PARD3B: variants seen among roughly 807,000 people sequenced by gnomAD.
PARD3B encodes the protein par-3 family cell polarity regulator beta.
PARD3B carries 103 observed loss-of-function variants against 130.2 expected under a neutral mutation model. That is an observed-to-expected ratio of 0.79 (90% CI 0.67 to 0.93). The LOEUF (loss-of-function observed/expected upper bound fraction) is 0.93. Among genes scored for constraint, PARD3B ranks in the 40% least tolerant of loss-of-function variants. PARD3B has a pLI of 0.00. For synonymous variants in PARD3B, 583 were observed against 553.2 expected (o/e 1.05, Z -0.76); for missense variants, 1,609 against 1,499.2 (o/e 1.07, Z -1.21).
chr2:205,310,719 CTTTTTTTTTTT>C (rs34032930), intron 18 of PARD3B, among the ~76,000 whole-genome samples: 2 of 82,590 alleles, frequency 2.4e-5, no homozygotes, highest in Non-Finnish European at 4.1e-5. Context: ...TTCTTTCTTT[CTTTTTTTTTTT>C]TTTTTTTTTT....
At chr2:204,644,117 A>G (rs1266718925) in intron 1 of PARD3B, among the ~76,000 whole-genome samples, 5 of 152,058 alleles carry the variant, frequency 3.3e-5, no homozygotes, top group African/African-American at 1.2e-4. Context: ...ATCCCATCCC[A>G]TTTAGAATTC....
At chr2:204,722,008 C>T (rs1160871206) in intron 2 of PARD3B, among the ~76,000 whole-genome samples, 1 of 151,930 alleles carries the variant, frequency 6.6e-6, no homozygotes, top group Non-Finnish European at 1.5e-5. Flanking sequence ...CACAAAAACA[C>T]CCAATGAATA....
intron 2 of PARD3B, among the ~76,000 whole-genome samples, chr2:204,812,893 A>G (rs1340582671): frequency 6.6e-6 from 1 of 151,966 alleles, no homozygotes; most frequent in Admixed American, 6.6e-5. Flanking sequence ...GTCACCTAGC[A>G]TTTCTAGGGG....
In PARD3B at chr2:205,458,905, T is replaced by C. The variant is rs1202864258; in HGVS notation, c.3044+18233T>C. 6.6e-6 allele frequency among the ~76,000 whole-genome samples: 1 copy of C among 152,226 alleles called. No homozygotes were observed. Among genetic ancestry groups the C allele is most frequent in the East Asian group, 1.9e-4 (1 of 5,200 alleles). On this transcript the variant is annotated intron_variant, in intron 20 of 22. Transcript: ENST00000406610. This position sits in a 1 kb window ranked among gnomAD's most constrained non-coding sequence, Gnocchi z 4.8. ...TAATGCAGTCTTTGATTGAGATCAC[T>C]AGAAGCTGGATTTTAGTTATGTGAG...
At chr2:204,937,924 G>C (rs1353721505) in intron 2 of PARD3B, among the ~76,000 whole-genome samples, 1 of 152,126 alleles carries the variant, frequency 6.6e-6, no homozygotes, top group Non-Finnish European at 1.5e-5. Flanking sequence ...CTACTGAAAG[G>C]CAGTTTGATT....
chr2:205,576,952 GTCT>G (rs1219889073), intron 22 of PARD3B, among the ~76,000 whole-genome samples: 2 of 152,022 alleles, frequency 1.3e-5, no homozygotes, highest in South Asian at 2.1e-4. Context: ...ATTTATTTAG[GTCT>G]TCTTTGATTT....
intron 2 of PARD3B, among the ~76,000 whole-genome samples, chr2:204,805,697 A>G (rs1458217255): frequency 6.6e-6 from 1 of 152,154 alleles, no homozygotes; most frequent in Non-Finnish European, 1.5e-5. Context: ...AGCACATTAA[A>G]AGATCATTCA....
At chr2:204,628,778 T>C (rs2034575446) in intron 1 of PARD3B, among the ~76,000 whole-genome samples, 1 of 152,166 alleles carries the variant, frequency 6.6e-6, no homozygotes, top group Admixed American at 6.5e-5. Flanking sequence ...GTTTGTGCAT[T>C]GGTAATGTTA....
rs1221031353 is a variant in PARD3B, at chr2:205,612,472, T to C, written c.3261-2984T>C. On this transcript the variant is annotated intron_variant, in intron 22 of 22. Coordinates refer to ENST00000406610, the MANE Select transcript of PARD3B (RefSeq NM_001302769.2). ...TAGTTTTTTTAATAATTTAAAATAA[T>C]ACACACATAATAGTCAGAAGAACTT... Among the ~76,000 whole-genome samples the C allele has an allele frequency of 2.0e-5, 3 of 152,262 alleles. No individual in the cohort carries two copies. In the East Asian group the frequency reaches 5.8e-4, roughly 29 times the overall value.
intron 4 of PARD3B, among the ~76,000 whole-genome samples, chr2:205,065,239 G>A (rs533599384): frequency 1.3e-5 from 2 of 152,142 alleles, no homozygotes; most frequent in African/African-American, 2.4e-5. Context: ...AGAGTGAGAA[G>A]ATTACAATAT....
At chr2:204,960,673 A>G (rs1480886652) in intron 2 of PARD3B, among the ~76,000 whole-genome samples, 1 of 152,092 alleles carries the variant, frequency 6.6e-6, no homozygotes, top group Non-Finnish European at 1.5e-5. Context: ...TTTTTCAGCA[A>G]ATTTACATTG....
At chr2:204,654,417 T>C (rs1422971303) in intron 1 of PARD3B, among the ~76,000 whole-genome samples, 1 of 150,034 alleles carries the variant, frequency 6.7e-6, no homozygotes, top group Non-Finnish European at 1.5e-5. Context: ...CTGAGCTTTC[T>C]TGAGTATCAT....
intron 10 of PARD3B, among the ~76,000 whole-genome samples, chr2:205,131,908 G>A (rs570491824): frequency 4.6e-5 from 7 of 152,234 alleles, no homozygotes; most frequent in African/African-American, 1.7e-4. Context: ...CCAGTAAGGA[G>A]CTTGGGACCT....
chr2:204,643,115 C>CAAAAA (rs71029202), intron 1 of PARD3B, among the ~76,000 whole-genome samples: 852 of 31,782 alleles, frequency 0.027, 111 homozygotes, highest in Non-Finnish European at 0.031. Context: ...CTCTGTCTCA[C>CAAAAA]AAAAAAAAAA....
At chr2:204,733,298 C>A (rs2039597143) in intron 2 of PARD3B, among the ~76,000 whole-genome samples, 1 of 151,936 alleles carries the variant, frequency 6.6e-6, no homozygotes, top group Admixed American at 6.6e-5. Flanking sequence ...ATAAATTTGA[C>A]AAAATATGTG....
At chr2:204,953,416 CACACAGAGAG>C (rs1161830847) in intron 2 of PARD3B, among the ~76,000 whole-genome samples, 2 of 100,912 alleles carry the variant, frequency 2.0e-5, no homozygotes, top group African/African-American at 9.2e-5. Flanking sequence ...AACATACACA[CACACAGAGAG>C]AGAGAGAGAG....
intron 4 of PARD3B, among the ~76,000 whole-genome samples, chr2:205,060,644 C>A (rs1163297197): frequency 2.0e-5 from 3 of 151,950 alleles, no homozygotes; most frequent in African/African-American, 7.3e-5. Flanking sequence ...ATTTAGCAGA[C>A]TGTGGGTGCT....
rs143638422 is a variant in PARD3B, at chr2:205,561,686, A to G, written c.3260+8283A>G. ...GCTTTGACACTTCCCTGGTGGTGCAACCCTATCCGAAGAACCTTCCTCACT... is the reference window on the plus strand; with the variant it reads ...GCTTTGACACTTCCCTGGTGGTGCAGCCCTATCCGAAGAACCTTCCTCACT... On this transcript the variant is annotated intron_variant, in intron 22 of 22. Coordinates refer to ENST00000406610, the MANE Select transcript of PARD3B (RefSeq NM_001302769.2). 4.1e-4 allele frequency among the ~76,000 whole-genome samples: 62 copies of G among 152,236 alleles called. No individual in the cohort carries two copies. In the Middle Eastern group the frequency reaches 0.01, roughly 25 times the overall value.
chr2:204,983,093 A>C (rs1331110872), intron 3 of PARD3B, among the ~76,000 whole-genome samples: 1 of 152,082 alleles, frequency 6.6e-6, no homozygotes, highest in Non-Finnish European at 1.5e-5. Flanking sequence ...AGTATTTTTC[A>C]GGAGGTTGTT....
Sources: gnomAD v4.1 joint callset for allele counts (sites outside exome capture counted in the v4.1 genomes callset) on GRCh38, gnomAD v4.1.1 for gene constraint, Gnocchi (gnomAD v3.1) non-coding constraint, MANE v1.5 for transcripts, NCBI Gene and HGNC (gene_info 2026-07-23, HGNC 2026-07-21) for gene names.